Variants in AGBL1 observed in about 807,000 individuals in gnomAD.
The protein encoded by AGBL1 is cytosolic carboxypeptidase 4.
In AGBL1, 130 loss-of-function variants were observed where a neutral mutation model predicts 118.9. That is an observed-to-expected ratio of 1.09 (90% CI 0.95 to 1.26). The LOEUF is 1.26. Among genes scored for constraint, AGBL1 ranks in the 50% most tolerant of loss-of-function variants. The probability of loss-of-function intolerance (pLI) is 0.00; values close to 1 mark genes in which losing one functional copy is unlikely to be tolerated. For missense variants in AGBL1, 1,584 were observed against 1,298.1 expected, an observed-to-expected ratio of 1.22 and a Z score of -3.38; for synonymous variants, 555 against 478.9, an observed-to-expected ratio of 1.16 and a Z score of -2.08.
intron 7 of AGBL1, among the ~76,000 whole-genome samples, 189 bp from the exon 8 acceptor site, chr15:86,256,664 A>G (rs1487161432): frequency 6.6e-6 from 1 of 152,228 alleles, no homozygotes; most frequent in African/African-American, 2.4e-5. Context: ...ACAAAATTCT[A>G]TGTTGGAATG....
At chr15:86,662,437 C>T (rs889402310) in intron 21 of AGBL1, among the ~76,000 whole-genome samples, 2 of 152,182 alleles carry the variant, frequency 1.3e-5, no homozygotes, top group African/African-American at 4.8e-5. Flanking sequence ...CAAAAGTGGT[C>T]ATTTGGACAG....
chr15:86,385,316 C>A (rs561982207), intron 17 of AGBL1, among the ~76,000 whole-genome samples: 1 of 152,080 alleles, frequency 6.6e-6, no homozygotes, highest in African/African-American at 2.4e-5. Context: ...ATTACTCGTG[C>A]GCCTTGTATT....
chr15:86,215,632 T>C (rs1483700365), intron 5 of AGBL1, among the ~76,000 whole-genome samples: 1 of 152,222 alleles, frequency 6.6e-6, no homozygotes, highest in African/African-American at 2.4e-5. Flanking sequence ...CTAACATGGC[T>C]ACTTCAGGCA....
At chr15:86,977,083 C>CTG (rs200452583) in intron 23 of AGBL1, among the ~76,000 whole-genome samples, 4 of 151,804 alleles carry the variant, frequency 2.6e-5, no homozygotes, top group Admixed American at 6.6e-5. Flanking sequence ...ATTTTATGCT[C>CTG]TGTGTGTGTG....
intron 18 of AGBL1, among the ~76,000 whole-genome samples, chr15:86,403,903 A>G (rs1381049513): frequency 6.6e-6 from 1 of 152,216 alleles, no homozygotes; most frequent in Non-Finnish European, 1.5e-5. Context: ...AACTGAGACC[A>G]AAGAGGTAAG....
intron 18 of AGBL1, among the ~76,000 whole-genome samples, chr15:86,445,613 A>G (rs1441733008): frequency 1.3e-5 from 2 of 152,170 alleles, no homozygotes; most frequent in East Asian, 3.9e-4. Flanking sequence ...TGCAGCCTGC[A>G]TTTCCTGCCT....
intron 17 of AGBL1, among the ~76,000 whole-genome samples, chr15:86,319,074 C>G (rs2080064483): frequency 6.6e-6 from 1 of 152,198 alleles, no homozygotes; most frequent in Non-Finnish European, 1.5e-5. Context: ...TATGAACAGA[C>G]TGACATTTAC....
chr15:86,684,206 G>A (rs1409835812), intron 22 of AGBL1, among the ~76,000 whole-genome samples: 1 of 152,082 alleles, frequency 6.6e-6, no homozygotes, highest in Non-Finnish European at 1.5e-5. Flanking sequence ...ACATTTTTTG[G>A]TTTGAAAGAT....
chr15:86,419,782 G>A (rs2081761065), intron 18 of AGBL1, among the ~76,000 whole-genome samples: 1 of 152,106 alleles, frequency 6.6e-6, no homozygotes, highest in African/African-American at 2.4e-5. Flanking sequence ...GTTGGGGGAG[G>A]GGTGTCCGCC....
chr15:86,585,223 G>T (rs554157341), intron 21 of AGBL1, among the ~76,000 whole-genome samples: 1 of 152,150 alleles, frequency 6.6e-6, no homozygotes, highest in East Asian at 1.9e-4. Context: ...AGAACTGGAA[G>T]TTTTATTTGT....
rs753403158 is a variant in AGBL1, at chr15:86,224,923, T to C, written c.498T>C (p.Thr166=). The C allele has an allele frequency of 6.2e-7, 1 of 1,613,538 alleles. No individual in the cohort carries two copies. Among genetic ancestry groups the C allele is most frequent in the Non-Finnish European group, 8.5e-7 (1 of 1,179,566 alleles). Residue 166 remains threonine, a synonymous_variant, in exon 6 of 23, where the codon ACT becomes ACC. Coordinates refer to ENST00000614907, the MANE Select transcript of AGBL1 (RefSeq NM_001386094.1). ...RKRTQAIRAA[T]EVLAALLKSK... ...CTTTCTCTTTCCCCAGGGCAGCCAC[T>C]GAAGTTTTGGCAGCATTGCTGAAAT...
At chr15:86,867,689 T>C (rs989211326) in intron 22 of AGBL1, among the ~76,000 whole-genome samples, 3 of 152,150 alleles carry the variant, frequency 2.0e-5, no homozygotes, top group Non-Finnish European at 4.4e-5. Context: ...TTAGGCTCAA[T>C]TTTATTGTTC....
chr15:86,255,736 C>T (rs896610186), intron 7 of AGBL1, among the ~76,000 whole-genome samples: 8 of 152,030 alleles, frequency 5.3e-5, no homozygotes, highest in Non-Finnish European at 8.8e-5. Context: ...GAGCTGAGAT[C>T]GTGCCACTGC....
chr15:86,243,054 C>T (rs571592319), intron 6 of AGBL1, among the ~76,000 whole-genome samples: 2 of 152,290 alleles, frequency 1.3e-5, no homozygotes, highest in Middle Eastern at 6.8e-3. Flanking sequence ...ACTATGTCAA[C>T]CTGTGGACTG....
chr15:86,956,840 G>C (rs1021525404), intron 23 of AGBL1, among the ~76,000 whole-genome samples: 5 of 152,122 alleles, frequency 3.3e-5, no homozygotes, highest in African/African-American at 1.2e-4. Flanking sequence ...CAAAATGTTA[G>C]TGAAATAAGA....
At chr15:86,878,414 G>A (rs1286409250) in intron 22 of AGBL1, among the ~76,000 whole-genome samples, 1 of 152,152 alleles carries the variant, frequency 6.6e-6, no homozygotes, top group African/African-American at 2.4e-5. Flanking sequence ...GTTGCAGAAT[G>A]TAGTTGGCTG....
At chr15:86,645,966 C>A (rs759069014) in intron 21 of AGBL1, among the ~76,000 whole-genome samples, 4 of 152,176 alleles carry the variant, frequency 2.6e-5, no homozygotes, top group Non-Finnish European at 5.9e-5. Flanking sequence ...CTTCTGACCA[C>A]ATGTCAATCA....
intron 22 of AGBL1, among the ~76,000 whole-genome samples, chr15:86,854,508 A>G (rs1190116063): frequency 6.6e-6 from 1 of 152,178 alleles, no homozygotes; most frequent in Non-Finnish European, 1.5e-5. Flanking sequence ...CCAAAGGATT[A>G]TGATGTTCAT....
At chr15:86,751,880 GA>G (rs895625736) in intron 22 of AGBL1, among the ~76,000 whole-genome samples, 17 of 151,912 alleles carry the variant, frequency 1.1e-4, no homozygotes, top group Admixed American at 9.2e-4. Context: ...CCCTTTTAGG[GA>G]AAAAAACATG....
Sources: allele counts gnomAD v4.1 joint callset (sites outside exome capture counted in the v4.1 genomes callset), GRCh38; gene constraint gnomAD v4.1.1; transcripts MANE v1.5; gene names NCBI Gene and HGNC (gene_info 2026-07-23, HGNC 2026-07-21).